The following CDH6 variants were observed in gnomAD, a reference collection of about 807,000 sequenced individuals.
The protein encoded by CDH6 is cadherin-6.
In CDH6, 31 loss-of-function variants were observed where a neutral mutation model predicts 78.0. The ratio of observed to expected loss-of-function variants is 0.40; its 90% CI spans 0.30 to 0.54. The LOEUF (loss-of-function observed/expected upper bound fraction) is 0.54, where lower values mean the gene tolerates loss of function less well. Among genes scored for constraint, CDH6 ranks in the 20% least tolerant of loss-of-function variants. The probability of loss-of-function intolerance (pLI) is 0.56; values close to 1 mark genes in which losing one functional copy is unlikely to be tolerated. For synonymous variants in CDH6, 376 were observed against 368.8 expected, an observed-to-expected ratio of 1.02 and a Z score of -0.23; for missense variants, 724 against 975.9, an observed-to-expected ratio of 0.74 and a Z score of 3.44.
At position 31,237,758 on chromosome 5, in the gene CDH6, C is replaced by T. The variant is rs189755500; in HGVS notation, c.-128-29588C>T. On this transcript the variant is annotated intron_variant, in intron 1 of 11. Coordinates refer to ENST00000265071, the MANE Select transcript of CDH6 (RefSeq NM_004932.4). ...TGTTATTCCTTTCACATTTTTTTTC[C>T]GGGAGACAAAGGAGAAGCAGTGAAG... Among the ~76,000 whole-genome samples, 6 of 151,906 alleles carry T rather than the reference C, an allele frequency of 3.9e-5. 2 individuals are homozygous for T. Among genetic ancestry groups the T allele is most frequent in the African/African-American group, 1.2e-4 (5 of 41,446 alleles).
In CDH6 at chr5:31,267,440, A is replaced by G. The variant is rs756643915; in HGVS notation, c.-34A>G. The G allele has an allele frequency of 2.0e-6, 3 of 1,519,826 alleles. No individual in the cohort carries two copies. The highest frequency in any genetic ancestry group is 3.4e-5 in the Admixed American group (2 of 59,600). 94.1% of individuals were successfully genotyped at this position (1,519,826 alleles called of 1,614,324 possible). A position where few individuals can be genotyped will look rare whatever the true frequency, so the allele number is the denominator to read the frequency against. On this transcript the variant is annotated 5_prime_UTR_variant, in exon 2 of 12. Transcript: ENST00000265071. ...AAAAAGGCACTTCCAAGAGTGGGGCACTCACTACGCACAGACTCGACGGTG... is the reference window on the plus strand; with the variant it reads ...AAAAAGGCACTTCCAAGAGTGGGGCGCTCACTACGCACAGACTCGACGGTG...
chr5:31,290,412 G>A (rs1036744305), intron 2 of CDH6, among the ~76,000 whole-genome samples: 2 of 152,214 alleles, frequency 1.3e-5, no homozygotes, highest in Non-Finnish European at 2.9e-5. Flanking sequence ...GTTTTTACTT[G>A]ATGGTGAATC....
chr5:31,292,692 G>C (rs1041560962), intron 2 of CDH6, among the ~76,000 whole-genome samples: 2 of 151,412 alleles, frequency 1.3e-5, no homozygotes, highest in Non-Finnish European at 2.9e-5. Context: ...TCAATAAAAA[G>C]CACTTTTCGA....
intron 1 of CDH6, among the ~76,000 whole-genome samples, chr5:31,245,922 T>C (rs936955432): frequency 4.9e-5 from 7 of 143,946 alleles, no homozygotes; most frequent in African/African-American, 1.6e-4. Flanking sequence ...TTTTTTTTTT[T>C]TTGTGAGACA....
chr5:31,214,410 G>A (rs1294705797), intron 1 of CDH6, among the ~76,000 whole-genome samples: 1 of 152,084 alleles, frequency 6.6e-6, no homozygotes, highest in Non-Finnish European at 1.5e-5. Flanking sequence ...TCCAACTAGG[G>A]GATTTGGATG....
At chr5:31,298,314 C>A (rs1737667591) in intron 4 of CDH6, among the ~76,000 whole-genome samples, 1 of 152,160 alleles carries the variant, frequency 6.6e-6, no homozygotes, top group Non-Finnish European at 1.5e-5. Flanking sequence ...TAGGTTCCCA[C>A]ATCCAGTTGG....
At chr5:31,215,748 A>C (rs77394961) in intron 1 of CDH6, among the ~76,000 whole-genome samples, 5,527 of 152,150 alleles carry the variant, frequency 0.036, 343 homozygotes, top group African/African-American at 0.12. Flanking sequence ...CCATGTCCTA[A>C]CTCCTAACAT....
At chr5:31,259,032 T>A (rs932543402) in intron 1 of CDH6, among the ~76,000 whole-genome samples, 3 of 152,248 alleles carry the variant, frequency 2.0e-5, no homozygotes, top group Non-Finnish European at 4.4e-5. Context: ...AGAAGAATGT[T>A]ATCCACCTCT....
At chr5:31,279,094 G>A (rs78799079) in intron 2 of CDH6, among the ~76,000 whole-genome samples, 3,590 of 152,166 alleles carry the variant, frequency 0.024, 134 homozygotes, top group African/African-American at 0.082. Context: ...CTTGAACATT[G>A]AACAACCCAA....
chr5:31,199,460 ATATATACACACACATATGTG>A (rs869273934), intron 1 of CDH6, among the ~76,000 whole-genome samples: 83 of 23,762 alleles, frequency 3.5e-3, no homozygotes, highest in East Asian at 0.029. Flanking sequence ...ACATATGTGT[ATATATACACACACATATGTG>A]TATATATGTA....
intron 2 of CDH6, among the ~76,000 whole-genome samples, chr5:31,283,312 C>A (rs1354650703): frequency 1.3e-5 from 2 of 152,188 alleles, no homozygotes; most frequent in Admixed American, 6.5e-5. Flanking sequence ...ACAGAGTAAG[C>A]TTTTAATGAA....
chr5:31,304,833 C>T (rs1202937531), intron 6 of CDH6, among the ~76,000 whole-genome samples: 1 of 152,120 alleles, frequency 6.6e-6, no homozygotes, highest in Non-Finnish European at 1.5e-5. Flanking sequence ...CAGACTCCTG[C>T]TTCCAAGTGC....
intron 6 of CDH6, among the ~76,000 whole-genome samples, chr5:31,303,995 T>C (rs1022919094): frequency 1.3e-5 from 2 of 152,204 alleles, no homozygotes; most frequent in Non-Finnish European, 1.5e-5. Context: ...AGCCTTGTCA[T>C]ATTATCATCT....
chr5:31,303,221 A>T (rs1737882382), intron 6 of CDH6, among the ~76,000 whole-genome samples: 1 of 152,184 alleles, frequency 6.6e-6, no homozygotes, highest in Admixed American at 6.5e-5. Flanking sequence ...TACATACAAC[A>T]GATGTTCTCT....
intron 1 of CDH6, among the ~76,000 whole-genome samples, chr5:31,216,308 AT>A (rs1331892071): frequency 1.3e-5 from 2 of 152,164 alleles, no homozygotes; most frequent in Non-Finnish European, 2.9e-5. Context: ...ACAGCAATCT[AT>A]GGCTCTCAGG....
At chr5:31,267,748 G>T in intron 2 of CDH6, 47 bp downstream of exon 2, 1 of 1,366,376 alleles carries the variant, frequency 7.3e-7, no homozygotes. Flanking sequence ...AAAGCCTGAA[G>T]AAGTTACTTC....
chr5:31,314,722 A>T (rs570513056), intron 8 of CDH6, among the ~76,000 whole-genome samples: 1 of 152,168 alleles, frequency 6.6e-6, no homozygotes, highest in South Asian at 2.1e-4. Flanking sequence ...AAAATTATAA[A>T]TTTATTTCCC....
At chr5:31,272,276 A>G (rs1014579373) in intron 2 of CDH6, among the ~76,000 whole-genome samples, 3 of 152,222 alleles carry the variant, frequency 2.0e-5, no homozygotes, top group Admixed American at 2.0e-4. Context: ...AATGAGTCCT[A>G]ACACTGACAC....
At position 31,247,992 on chromosome 5, in the gene CDH6, A is replaced by G. The variant is rs181655824; in HGVS notation, c.-128-19354A>G. ...CTGGAGACTTTTTTCCATATAGTTC[A>G]ACGTAATTTAGTTTTAAAAACTAAA... is the stretch of plus-strand genomic sequence containing the variant. On this transcript the variant is annotated intron_variant, in intron 1 of 11. Transcript: ENST00000265071. Among the ~76,000 whole-genome samples the G allele has an allele frequency of 4.6e-3, 706 of 152,336 alleles. 9 individuals are homozygous for G. Among genetic ancestry groups the G allele is most frequent in the African/African-American group, 0.016 (675 of 41,574 alleles).
Sources: gnomAD v4.1 joint callset for allele counts (sites outside exome capture counted in the v4.1 genomes callset) on GRCh38, gnomAD v4.1.1 for gene constraint, MANE v1.5 for transcripts, NCBI Gene and HGNC (gene_info 2026-07-23, HGNC 2026-07-21) for gene names.